The following PDE8B variants were observed in gnomAD, a reference collection of about 807,000 sequenced individuals.
PDE8B encodes the protein high affinity cAMP-specific and IBMX-insensitive 3',5'-cyclic phosphodiesterase 8B.
Under a neutral mutation model 101.3 loss-of-function variants are expected in PDE8B, and 26 were observed. The observed-to-expected ratio is 0.26, with a 90% CI of 0.19 to 0.36. The LOEUF is 0.36. PDE8B is among the 10% of genes least tolerant of loss of function. The pLI, the probability that PDE8B is intolerant of heterozygous loss-of-function variation, is 1.00. For synonymous variants in PDE8B, 424 were observed against 429.3 expected, an observed-to-expected ratio of 0.99 and a Z score of 0.15; for missense variants, 810 against 1,163.1, an observed-to-expected ratio of 0.70 and a Z score of 4.42.
At chr5:77,331,577 G>A in intron 5 of PDE8B, 118 bp downstream of exon 5, 4 of 834,396 alleles carry the variant, frequency 4.8e-6, no homozygotes, top group Non-Finnish European at 8.2e-6. Flanking sequence ...CCCCAGGACT[G>A]TTGGGGAAAG....
chr5:77,131,165 GAGAA>G, the PDE8B span: 3 of 152,256 alleles, frequency 2.0e-5, no homozygotes, highest in African/African-American at 7.2e-5. Context: ...GAGACATCTG[GAGAA>G]AGGAGACCTC....
intron 10 of PDE8B, among the ~76,000 whole-genome samples, chr5:77,381,937 C>A (rs922714979): frequency 2.6e-5 from 4 of 152,188 alleles, no homozygotes; most frequent in African/African-American, 9.7e-5. Flanking sequence ...TATGCCCAGG[C>A]TCATAGTAGG....
At chr5:77,301,841 G>T (rs544372114) in intron 1 of PDE8B, among the ~76,000 whole-genome samples, 1 of 152,152 alleles carries the variant, frequency 6.6e-6, no homozygotes, top group African/African-American at 2.4e-5. Flanking sequence ...CTGCATGTAC[G>T]ACAGAAAGAA....
At chr5:77,418,126 G>GA in intron 17 of PDE8B, 103 bp from the exon 18 acceptor site, 3 of 806,538 alleles carry the variant, frequency 3.7e-6, no homozygotes, top group Admixed American at 3.9e-5. Flanking sequence ...AAAACGTTCT[G>GA]AAAATCTCAA....
the PDE8B span, among the ~76,000 whole-genome samples, chr5:77,129,204 G>A: frequency 6.6e-6 from 1 of 152,164 alleles, no homozygotes; most frequent in South Asian, 2.1e-4. Context: ...GAGGACAGAT[G>A]TGATTATTAG....
In PDE8B at chr5:77,411,664, C is replaced by T; in HGVS notation, c.1531-12C>T. 1.2e-6 allele frequency: 2 copies of T among 1,604,378 alleles called. No individual in the cohort carries two copies. Among genetic ancestry groups the T allele is most frequent in the Non-Finnish European group, 8.5e-7 (1 of 1,171,192 alleles). ...TAAAGCATGCTTCTAACAGGCTCTT[C>T]CTTTATTCCAGGACGGCTTGAGAAG... On this transcript the variant is annotated splice_polypyrimidine_tract_variant and intron_variant, in intron 14 of 21. Coordinates refer to ENST00000264917, the MANE Select transcript of PDE8B (RefSeq NM_003719.5).
At chr5:77,106,933 G>A in the PDE8B span, among the ~76,000 whole-genome samples, 5 of 151,538 alleles carry the variant, frequency 3.3e-5, no homozygotes, top group Admixed American at 6.6e-5. Context: ...TTAAGTTCTA[G>A]GGTACATGTG....
the PDE8B span, among the ~76,000 whole-genome samples, chr5:77,155,698 G>A: frequency 6.6e-6 from 1 of 152,144 alleles, no homozygotes; most frequent in East Asian, 1.9e-4. Context: ...TACATGTAGA[G>A]AAACTGATTT....
intron 5 of PDE8B, among the ~76,000 whole-genome samples, chr5:77,333,044 G>A (rs192083558): frequency 4.6e-5 from 7 of 151,846 alleles, no homozygotes; most frequent in Non-Finnish European, 5.9e-5. Context: ...CCTTTGTGAT[G>A]CAGTTGTTTT....
At chr5:77,359,685 A>T (rs1782746618) in intron 10 of PDE8B, among the ~76,000 whole-genome samples, 2 of 152,256 alleles carry the variant, frequency 1.3e-5, no homozygotes, top group South Asian at 4.1e-4. Flanking sequence ...GAGACCAGTA[A>T]TGCCTGCTCA....
intron 1 of PDE8B, among the ~76,000 whole-genome samples, chr5:77,219,598 A>AG (rs1301415184): frequency 6.6e-6 from 1 of 152,132 alleles, no homozygotes; most frequent in Non-Finnish European, 1.5e-5. Flanking sequence ...TTCAAACGAG[A>AG]GCAATGACCA....
intron 17 of PDE8B, among the ~76,000 whole-genome samples, chr5:77,417,526 T>C (rs577392452): frequency 1.3e-5 from 2 of 152,318 alleles, no homozygotes; most frequent in Non-Finnish European, 2.9e-5. Flanking sequence ...TATATAACAG[T>C]AGCCCATCTG....
the PDE8B span, among the ~76,000 whole-genome samples, chr5:77,117,568 C>T: frequency 2.2e-4 from 33 of 152,184 alleles, no homozygotes; most frequent in African/African-American, 7.7e-4. Flanking sequence ...GGGAGGAATA[C>T]GGTTAGGAAT....
chr5:77,378,456 TAAAAAAAAAAAAAAAAAAA>T (rs58121927), intron 10 of PDE8B, among the ~76,000 whole-genome samples: 13 of 69,352 alleles, frequency 1.9e-4, no homozygotes, highest in African/African-American at 6.1e-4. Context: ...AGACTCCATC[TAAAAAAAAAAAAAAAAAAA>T]AAAAAAAAAG....
chr5:77,288,663 G>T (rs2149913133), intron 1 of PDE8B, among the ~76,000 whole-genome samples: 1 of 152,196 alleles, frequency 6.6e-6, no homozygotes, highest in Non-Finnish European at 1.5e-5. Flanking sequence ...ACCATCCTTT[G>T]TCATTTGGGT....
chr5:77,157,610 T>C, the PDE8B span, among the ~76,000 whole-genome samples: 1 of 152,232 alleles, frequency 6.6e-6, no homozygotes, highest in South Asian at 2.1e-4. Context: ...GGACACACTC[T>C]AGCTATTATT....
Position 77,407,462 on chromosome 5 carries a change from G to C in PDE8B, c.1365+5G>C, listed in dbSNP as rs1561666187. ...ATCGAGGCTCCCATCACAAAGGTGA[G>C]TGGCGGCTGCTGCCTGCACTCTGCA... On this transcript the variant is annotated splice_donor_5th_base_variant and intron_variant, in intron 13 of 21. Coordinates refer to ENST00000264917, the MANE Select transcript of PDE8B (RefSeq NM_003719.5). 4 of 1,609,710 alleles carry C rather than the reference G, an allele frequency of 2.5e-6. No individual in the cohort carries two copies. Among genetic ancestry groups the C allele is most frequent in the Non-Finnish European group, 3.4e-6 (4 of 1,176,460 alleles).
At chr5:77,399,175 T>G (rs540933608) in intron 10 of PDE8B, among the ~76,000 whole-genome samples, 1 of 152,346 alleles carries the variant, frequency 6.6e-6, no homozygotes, top group Admixed American at 6.5e-5. Flanking sequence ...GGGCAGGATT[T>G]ATGGTCAAGG....
intron 6 of PDE8B, among the ~76,000 whole-genome samples, chr5:77,337,845 A>G (rs916376437): frequency 1.3e-5 from 2 of 152,196 alleles, no homozygotes; most frequent in Non-Finnish European, 2.9e-5. Flanking sequence ...CAGGCTTGTC[A>G]TTGGTGCTCA....
Sources: allele counts gnomAD v4.1 joint callset (sites outside exome capture counted in the v4.1 genomes callset), GRCh38; gene constraint gnomAD v4.1.1; transcripts MANE v1.5; gene names NCBI Gene and HGNC (gene_info 2026-07-23, HGNC 2026-07-21).